INVS: variants seen among roughly 807,000 people sequenced by gnomAD.
INVS encodes the protein inversion of embryo turning homolog.
In INVS, 86 loss-of-function variants were observed where a neutral mutation model predicts 108.8. That is an observed-to-expected ratio of 0.79 (90% CI 0.66 to 0.95). The LOEUF (loss-of-function observed/expected upper bound fraction) is 0.95. INVS is among the 40% of genes least tolerant of loss of function. INVS has a pLI of 0.00. For missense variants in INVS, 1,169 were observed against 1,297.4 expected (o/e 0.90, Z 1.52); for synonymous variants, 455 against 473.5 (o/e 0.96, Z 0.51).
chr9:100,132,065 A>G (rs1193355659), intron 3 of INVS: 1 of 165,816 alleles, frequency 6.0e-6, no homozygotes, highest in Non-Finnish European at 1.2e-5. Flanking sequence ...ATATAGCTCT[A>G]CCATAACTCA....
At chr9:100,180,004 T>C (rs1339081878) in intron 3 of INVS, among the ~76,000 whole-genome samples, 1 of 152,096 alleles carries the variant, frequency 6.6e-6, no homozygotes, top group Non-Finnish European at 1.5e-5. Context: ...ACCACACAAC[T>C]ACATGGAAAC....
intron 12 of INVS, among the ~76,000 whole-genome samples, chr9:100,283,607 C>T (rs946515625): frequency 6.6e-6 from 1 of 152,228 alleles, no homozygotes; most frequent in Non-Finnish European, 1.5e-5. Context: ...TCAGACCCAC[C>T]TGCCTCGCCC....
intron 2 of INVS, among the ~76,000 whole-genome samples, chr9:100,112,042 C>T (rs1827352751): frequency 6.6e-6 from 1 of 152,116 alleles, no homozygotes; most frequent in Non-Finnish European, 1.5e-5. Context: ...GGCTGGAGTG[C>T]AGTGGTGCAA....
chr9:100,194,988 G>A (rs936146420), intron 3 of INVS, among the ~76,000 whole-genome samples: 4 of 152,094 alleles, frequency 2.6e-5, no homozygotes, highest in Non-Finnish European at 5.9e-5. Flanking sequence ...ATAGACCTCC[G>A]ACATCTGCAT....
intron 3 of INVS, among the ~76,000 whole-genome samples, chr9:100,147,315 C>A (rs1192016999): frequency 6.6e-6 from 1 of 152,092 alleles, no homozygotes; most frequent in African/African-American, 2.4e-5. Flanking sequence ...CAACAGAGGG[C>A]AAATATGAAT....
intron 3 of INVS, among the ~76,000 whole-genome samples, chr9:100,170,525 A>T (rs1402551466): frequency 2.6e-5 from 4 of 152,058 alleles, no homozygotes; most frequent in Non-Finnish European, 5.9e-5. Flanking sequence ...TAATCACACC[A>T]CTGCCCTCCA....
intron 12 of INVS, among the ~76,000 whole-genome samples, chr9:100,276,489 C>T (rs187060406): frequency 7.8e-4 from 119 of 152,192 alleles, no homozygotes; most frequent in African/African-American, 2.6e-3. Flanking sequence ...TTCTTCTGTG[C>T]CACCACCACT....
intron 2 of INVS, chr9:100,117,216 C>T (rs1029286867): frequency 3.2e-6 from 3 of 946,992 alleles, no homozygotes; most frequent in Admixed American, 3.8e-5. Flanking sequence ...CACTTAACAC[C>T]CAGACCGACG....
chr9:100,156,744 A>T (rs994943216), intron 3 of INVS, among the ~76,000 whole-genome samples: 1 of 152,120 alleles, frequency 6.6e-6, no homozygotes, highest in Admixed American at 6.6e-5. Flanking sequence ...TGTTTCATAT[A>T]TGTATGTTTC....
intron 3 of INVS, chr9:100,129,989 G>A (rs75966903): frequency 1.0e-3 from 348 of 337,416 alleles, no homozygotes; most frequent in African/African-American, 6.9e-3. Context: ...AACTGTGCTT[G>A]TATAGGGTGG....
chr9:100,104,378 T>A, intron 1 of INVS, 120 bp from the exon 2 acceptor site: 1 of 699,246 alleles, frequency 1.4e-6, no homozygotes, highest in East Asian at 2.7e-5. Context: ...ACTATAGATT[T>A]TTCTAATCCT....
At chr9:100,238,515 T>G (rs1233740799) in intron 5 of INVS, among the ~76,000 whole-genome samples, 1 of 152,222 alleles carries the variant, frequency 6.6e-6, no homozygotes, top group Admixed American at 6.5e-5. Flanking sequence ...AGCTGTTATC[T>G]TTAAATATCA....
intron 3 of INVS, among the ~76,000 whole-genome samples, chr9:100,172,116 AATGT>A (rs1486140015): frequency 6.6e-6 from 1 of 152,168 alleles, no homozygotes; most frequent in Admixed American, 6.5e-5. Flanking sequence ...TAAAAAAAAA[AATGT>A]ATTCAAGCAG....
At chr9:100,276,639 G>A (rs1338966033) in intron 12 of INVS, among the ~76,000 whole-genome samples, 2 of 152,070 alleles carry the variant, frequency 1.3e-5, no homozygotes, top group African/African-American at 2.4e-5. Context: ...CTCCCAAGTA[G>A]CTGAGATTAC....
At position 100,297,952 on chromosome 9, in the gene INVS, G is replaced by A; in HGVS notation, c.3033G>A (p.Gly1011=). The A allele has an allele frequency of 6.2e-7, 1 of 1,614,158 alleles. No homozygotes were observed. The highest frequency in any genetic ancestry group is 8.5e-7 in the Non-Finnish European group (1 of 1,180,010). The change falls in exon 16 of 17, where the codon GGG becomes GGA. Residue 1011 remains glycine (G), a synonymous_variant. Transcript: ENST00000262457. The stretch of plus-strand genomic sequence containing the variant: ...TCATTTCAGGTTGTTCTCACGAAGG[G>A]AAAATACATCATCCTACAAGATCTG... ...LKQIYGCSHE[G]KIHHPTRSVK...
At chr9:100,147,069 T>G (rs180757922) in intron 3 of INVS, among the ~76,000 whole-genome samples, 56 of 152,352 alleles carry the variant, frequency 3.7e-4, no homozygotes, top group African/African-American at 1.2e-3. Context: ...TGAATTGTTA[T>G]CATTCTCTTC....
intron 3 of INVS, among the ~76,000 whole-genome samples, chr9:100,209,769 C>CAAA (rs58556710): frequency 8.3e-5 from 6 of 72,284 alleles, no homozygotes; most frequent in Admixed American, 1.9e-4. Context: ...GACTCCGTCT[C>CAAA]AAAAAAAAAA....
chr9:100,210,393 T>C (rs902722760), intron 3 of INVS, among the ~76,000 whole-genome samples: 6 of 152,184 alleles, frequency 3.9e-5, no homozygotes, highest in Non-Finnish European at 7.4e-5. Context: ...TATAGCACTT[T>C]ACATAAAATT....
At chr9:100,115,917 G>A (rs1432352071) in intron 2 of INVS, among the ~76,000 whole-genome samples, 1 of 152,098 alleles carries the variant, frequency 6.6e-6, no homozygotes, top group African/African-American at 2.4e-5. Flanking sequence ...CACCAACAGT[G>A]TAAAAGTGTT....
Sources: gnomAD v4.1 joint callset for allele counts (sites outside exome capture counted in the v4.1 genomes callset) on GRCh38, gnomAD v4.1.1 for gene constraint, MANE v1.5 for transcripts, NCBI Gene and HGNC (gene_info 2026-07-23, HGNC 2026-07-21) for gene names.